The following LSAMP variants were observed in gnomAD, a reference collection of about 807,000 sequenced individuals.
The protein encoded by LSAMP is limbic system associated membrane protein.
LSAMP carries 7 observed loss-of-function variants against 38.6 expected under a neutral mutation model. That is an observed-to-expected ratio of 0.18 (90% CI 0.10 to 0.34). LSAMP has a LOEUF of 0.34. LSAMP is among the 10% of genes least tolerant of loss of function. The probability of loss-of-function intolerance (pLI) is 1.00; values close to 1 mark genes in which losing one functional copy is unlikely to be tolerated. For missense variants in LSAMP, 313 were observed against 420.0 expected (o/e 0.75, Z 2.23); for synonymous variants, 154 against 166.8 (o/e 0.92, Z 0.59).
intron 3 of LSAMP, among the ~76,000 whole-genome samples, chr3:115,984,283 C>A (rs1939448682): frequency 6.6e-6 from 1 of 152,014 alleles, no homozygotes; most frequent in African/African-American, 2.4e-5. Flanking sequence ...TTCAAATTTT[C>A]TGCATATTAA....
At chr3:116,320,308 G>T (rs1423133033) in intron 1 of LSAMP, among the ~76,000 whole-genome samples, 1 of 152,082 alleles carries the variant, frequency 6.6e-6, no homozygotes, top group East Asian at 1.9e-4. Flanking sequence ...AGCTACTCAG[G>T]AGCCTGAGGC....
intron 3 of LSAMP, among the ~76,000 whole-genome samples, chr3:115,914,727 C>T (rs963090896): frequency 1.3e-5 from 2 of 152,176 alleles, no homozygotes; most frequent in Non-Finnish European, 2.9e-5. Flanking sequence ...GGCAGAACTG[C>T]TCCTTGTTCC....
chr3:116,303,956 T>C (rs1576495065), intron 1 of LSAMP, among the ~76,000 whole-genome samples: 1 of 151,404 alleles, frequency 6.6e-6, no homozygotes, highest in Non-Finnish European at 1.5e-5. Context: ...TATGGAGGAG[T>C]GTGATAAGGG....
chr3:116,251,652 T>C (rs985178631), intron 1 of LSAMP, among the ~76,000 whole-genome samples: 2 of 152,206 alleles, frequency 1.3e-5, no homozygotes, highest in East Asian at 1.9e-4. Flanking sequence ...AACTGACCCA[T>C]TCCTCAGAAG....
intron 3 of LSAMP, among the ~76,000 whole-genome samples, chr3:115,927,808 T>G (rs1459246448): frequency 1.3e-5 from 2 of 152,190 alleles, no homozygotes; most frequent in African/African-American, 4.8e-5. Flanking sequence ...TTCAAGTCTT[T>G]GCTCAAATCT....
At chr3:116,312,131 T>A (rs1293338020) in intron 1 of LSAMP, among the ~76,000 whole-genome samples, 2 of 152,194 alleles carry the variant, frequency 1.3e-5, no homozygotes, top group Non-Finnish European at 2.9e-5. Context: ...TCTGTGTAGC[T>A]AAAAATCTTT....
intron 1 of LSAMP, among the ~76,000 whole-genome samples, chr3:116,158,936 C>CAAAACAAAACAA (rs1709820574): frequency 6.6e-6 from 1 of 151,714 alleles, no homozygotes; most frequent in East Asian, 1.9e-4. Context: ...GAAAACAAAA[C>CAAAACAAAACAA]AAAACAAAAC....
At chr3:116,415,270 C>T (rs1002845460) in intron 1 of LSAMP, among the ~76,000 whole-genome samples, 1 of 148,890 alleles carries the variant, frequency 6.7e-6, no homozygotes, top group Non-Finnish European at 1.5e-5. Context: ...GGCTTGAGCT[C>T]ATATGACATA....
chr3:116,314,592 G>A (rs2047604077), intron 1 of LSAMP, among the ~76,000 whole-genome samples: 1 of 152,150 alleles, frequency 6.6e-6, no homozygotes, highest in Non-Finnish European at 1.5e-5. Context: ...GGTGTTTGTG[G>A]AAACTGGCTA....
intron 6 of LSAMP, among the ~76,000 whole-genome samples, chr3:115,813,952 G>A (rs1933924809): frequency 6.6e-6 from 1 of 152,048 alleles, no homozygotes; most frequent in African/African-American, 2.4e-5. Flanking sequence ...AAGAATAGAT[G>A]GGCAAATAGA....
intron 1 of LSAMP, among the ~76,000 whole-genome samples, chr3:116,162,196 C>T (rs1709903972): frequency 6.6e-6 from 1 of 152,120 alleles, no homozygotes; most frequent in African/African-American, 2.4e-5. Context: ...CTTAGGCAAG[C>T]TTATGTGGCT....
chr3:116,019,776 G>T, intron 2 of LSAMP, 136 bp from the exon 3 acceptor site: 1 of 925,706 alleles, frequency 1.1e-6, no homozygotes, highest in Non-Finnish European at 1.6e-6. Context: ...ATGCTTTTAA[G>T]ACCCATGCTT....
rs1452080615 is a variant in LSAMP at position 115,804,195 on chromosome 3, G to A, written c.*6122C>T. ...ATGAAGACGGTAGAATGATAGTTCT[G>A]AGAAGTGATGAGAATACAGAGACCA... On this transcript the variant is annotated 3_prime_UTR_variant, in exon 7 of 7. Transcript: ENST00000490035. 1 of 152,210 alleles carries A rather than the reference G, an allele frequency of 6.6e-6. No homozygotes were observed. Among genetic ancestry groups the A allele is most frequent in the East Asian group, 1.9e-4 (1 of 5,202 alleles). 9.4% of individuals were successfully genotyped at this position (152,210 alleles called of 1,614,324 possible). A position where few individuals can be genotyped will look rare whatever the true frequency, so the allele number is the denominator to read the frequency against.
chr3:116,121,787 A>G (rs1007395081), intron 1 of LSAMP, among the ~76,000 whole-genome samples: 22 of 152,118 alleles, frequency 1.4e-4, no homozygotes, highest in Admixed American at 1.2e-3. Flanking sequence ...AGCTTGTCCA[A>G]CCCGCACCCT....
chr3:116,390,725 G>T (rs1322789140), intron 1 of LSAMP, among the ~76,000 whole-genome samples: 1 of 128,892 alleles, frequency 7.8e-6, no homozygotes, highest in Non-Finnish European at 1.6e-5. Flanking sequence ...GGGCAACAGA[G>T]TGAGACTCCG....
intron 2 of LSAMP, among the ~76,000 whole-genome samples, chr3:116,029,965 A>G (rs1940882283): frequency 6.6e-6 from 1 of 152,106 alleles, no homozygotes; most frequent in African/African-American, 2.4e-5. Flanking sequence ...AGTTGCTACC[A>G]TCAAAAAGGA....
chr3:116,381,737 T>C (rs2048560599), intron 1 of LSAMP, among the ~76,000 whole-genome samples: 1 of 152,070 alleles, frequency 6.6e-6, no homozygotes. Context: ...GAATCTTACT[T>C]TCATAAAGTT....
chr3:116,051,674 G>C (rs1226696814), intron 2 of LSAMP, among the ~76,000 whole-genome samples: 1 of 152,072 alleles, frequency 6.6e-6, no homozygotes, highest in Non-Finnish European at 1.5e-5. Flanking sequence ...AGAAAGTTTT[G>C]AGCAATGGCT....
chr3:116,335,630 C>G (rs1456275090), intron 1 of LSAMP, among the ~76,000 whole-genome samples: 1 of 151,954 alleles, frequency 6.6e-6, no homozygotes, highest in African/African-American at 2.4e-5. Flanking sequence ...AGGATTATGT[C>G]CTGATAAATC....
Sources: allele counts gnomAD v4.1 joint callset (sites outside exome capture counted in the v4.1 genomes callset), GRCh38; gene constraint gnomAD v4.1.1; transcripts MANE v1.5; gene names NCBI Gene and HGNC (gene_info 2026-07-23, HGNC 2026-07-21).